The following ADARB2 variants were observed in gnomAD, a reference collection of about 807,000 sequenced individuals.
ADARB2 encodes inactive double-stranded RNA-specific editase B2.
ADARB2 carries 25 observed loss-of-function variants against 62.2 expected under a neutral mutation model. The observed-to-expected ratio is 0.40, with a 90% CI of 0.29 to 0.56. ADARB2 has a LOEUF of 0.56. ADARB2 is among the 20% of genes least tolerant of loss of function. The pLI is 0.43. For synonymous variants in ADARB2, 572 were observed against 500.8 expected, an observed-to-expected ratio of 1.14 and a Z score of -1.90; for missense variants, 1,071 against 1,077.4, an observed-to-expected ratio of 0.99 and a Z score of 0.08.
chr10:1,443,680 G>A (rs1002064367), intron 1 of ADARB2, among the ~76,000 whole-genome samples: 1 of 152,054 alleles, frequency 6.6e-6, no homozygotes, highest in African/African-American at 2.4e-5. Flanking sequence ...TGATTTCGCA[G>A]CTAATTCCTA....
chr10:1,471,303 G>A (rs60899799), intron 1 of ADARB2, among the ~76,000 whole-genome samples: 39,917 of 152,108 alleles, frequency 0.26, 5,735 homozygotes, highest in South Asian at 0.34. Flanking sequence ...CTCTGTCTCC[G>A]TGTGTCCACT....
At chr10:1,481,727 G>T (rs560327111) in intron 1 of ADARB2, among the ~76,000 whole-genome samples, 1 of 151,828 alleles carries the variant, frequency 6.6e-6, no homozygotes, top group Non-Finnish European at 1.5e-5. Flanking sequence ...TATGGGGGCG[G>T]GTGCCTGTAA....
At chr10:1,717,182 T>TTTTTC (rs1835030585) in intron 1 of ADARB2, among the ~76,000 whole-genome samples, 9 of 145,328 alleles carry the variant, frequency 6.2e-5, no homozygotes, top group African/African-American at 2.2e-4. Context: ...TTTTTGCTTT[T>TTTTTC]TGTTTTTAAA....
rs190323773 is a variant in ADARB2 at position 1,215,144 on chromosome 10, C to A, written c.1682+1807G>T. The stretch of plus-strand genomic sequence containing the variant: ...GATGTCACCCCCCTGACCTCCAGCC[C>A]CTTGGGTTTTGTGGACGGGCCAGGG... On this transcript the variant is annotated intron_variant, in intron 7 of 9. Transcript: ENST00000381312. 1.5e-3 allele frequency among the ~76,000 whole-genome samples: 231 copies of A among 152,294 alleles called. 1 individual carries two copies. The highest frequency in any genetic ancestry group is 4.6e-3 in the African/African-American group (190 of 41,560).
intron 7 of ADARB2, 45 bp from the exon 8 acceptor site, chr10:1,200,192 AGGGAGCCTG>A: frequency 6.5e-7 from 1 of 1,548,602 alleles, no homozygotes; most frequent in Non-Finnish European, 8.7e-7. Context: ...CCAGGAGCCC[AGGGAGCCTG>A]GTCCTCTCTG....
At chr10:1,575,992 CT>C (rs1833008338) in intron 1 of ADARB2, among the ~76,000 whole-genome samples, 17 of 130,388 alleles carry the variant, frequency 1.3e-4, no homozygotes, top group African/African-American at 1.8e-4. Flanking sequence ...CTCAGGGTCA[CT>C]AAAGGGAAGT....
At chr10:1,514,907 G>A (rs150725779) in intron 1 of ADARB2, among the ~76,000 whole-genome samples, 2,256 of 152,098 alleles carry the variant, frequency 0.015, 33 homozygotes, top group Non-Finnish European at 0.02. Context: ...GCAGTGGAGC[G>A]TAGGGTTTGA....
intron 1 of ADARB2, among the ~76,000 whole-genome samples, chr10:1,589,840 A>AT (rs1833229445): frequency 6.6e-6 from 1 of 152,098 alleles, no homozygotes; most frequent in South Asian, 2.1e-4. Context: ...TACCCGGCTA[A>AT]TTTTTTTGTT....
At chr10:1,570,882 G>T (rs1477515037) in intron 1 of ADARB2, among the ~76,000 whole-genome samples, 1 of 152,044 alleles carries the variant, frequency 6.6e-6, no homozygotes, top group Non-Finnish European at 1.5e-5. Flanking sequence ...GAAACCGGAG[G>T]ACTTGAGTGA....
rs921318237 is a variant in ADARB2 at position 1,524,423 on chromosome 10, T to C, written c.101-145263A>G. On this transcript the variant is annotated intron_variant, in intron 1 of 9. Coordinates refer to ENST00000381312, the MANE Select transcript of ADARB2 (RefSeq NM_018702.4). Reference sequence around the variant, plus strand: ...TCTTTGGTCCACCAGCAGGCATCCATGTTTGTGATCTTCTGGGCAATTTTC... The same window carrying C: ...TCTTTGGTCCACCAGCAGGCATCCACGTTTGTGATCTTCTGGGCAATTTTC... 3.9e-5 allele frequency among the ~76,000 whole-genome samples: 6 copies of C among 152,210 alleles called. 1 individual carries two copies. The highest frequency in any genetic ancestry group is 3.9e-4 in the Admixed American group (6 of 15,282).
chr10:1,414,416 T>C (rs1026915457), intron 1 of ADARB2, among the ~76,000 whole-genome samples: 1 of 152,196 alleles, frequency 6.6e-6, no homozygotes, highest in Non-Finnish European at 1.5e-5. Flanking sequence ...ATAAAATCCC[T>C]CGTGGCTTGG....
intron 1 of ADARB2, among the ~76,000 whole-genome samples, chr10:1,510,368 G>A (rs1324801427): frequency 6.6e-6 from 1 of 151,818 alleles, no homozygotes; most frequent in African/African-American, 2.4e-5. Context: ...TTTCTTTAGA[G>A]TTGGGGTCTC....
intron 1 of ADARB2, among the ~76,000 whole-genome samples, chr10:1,413,681 C>T (rs919274188): frequency 6.6e-6 from 1 of 152,202 alleles, no homozygotes; most frequent in African/African-American, 2.4e-5. Flanking sequence ...GGGGCCGGGC[C>T]TTCTGTTCTG....
At chr10:1,390,807 C>G (rs1832563296) in intron 1 of ADARB2, among the ~76,000 whole-genome samples, 1 of 152,188 alleles carries the variant, frequency 6.6e-6, no homozygotes, top group South Asian at 2.1e-4. Flanking sequence ...GGGGAGTAAC[C>G]AGTGAGGGGC....
intron 1 of ADARB2, among the ~76,000 whole-genome samples, chr10:1,656,439 A>T (rs1834172910): frequency 6.6e-6 from 1 of 152,154 alleles, no homozygotes; most frequent in Admixed American, 6.5e-5. Context: ...TAATTTTACA[A>T]CATCTGATAT....
chr10:1,368,952 T>G, intron 2 of ADARB2, among the ~76,000 whole-genome samples: 1 of 151,884 alleles, frequency 6.6e-6, no homozygotes, highest in Non-Finnish European at 1.5e-5. Flanking sequence ...CTGGGCTGGG[T>G]GAGGGTGGGA....
chr10:1,704,194 G>A lies in ADARB2; in HGVS notation c.100+32857C>T, dbSNP rs1834859259. 6.6e-6 allele frequency among the ~76,000 whole-genome samples: 1 copy of A among 152,140 alleles called. No individual in the cohort carries two copies. Among genetic ancestry groups the A allele is most frequent in the Non-Finnish European group, 1.5e-5 (1 of 68,026 alleles). On this transcript the variant is annotated intron_variant, in intron 1 of 9. Transcript: ENST00000381312. The surrounding 1 kb of genome is among the most constrained non-coding windows in gnomAD (Gnocchi z 5.6). Reference sequence around the variant, plus strand: ...GGAAGACAATTTTTCCATGGACTGGGGGCTGCAGGGATGGTTTCAGGATGA... The same window carrying A: ...GGAAGACAATTTTTCCATGGACTGGAGGCTGCAGGGATGGTTTCAGGATGA...
chr10:1,584,347 C>T (rs922539077), intron 1 of ADARB2, among the ~76,000 whole-genome samples: 2 of 122,372 alleles, frequency 1.6e-5, no homozygotes, highest in Non-Finnish European at 1.9e-5. Flanking sequence ...AAAGTCGCCC[C>T]GTATCATATG....
At chr10:1,366,755 A>G (rs1250514106) in intron 2 of ADARB2, among the ~76,000 whole-genome samples, 1 of 152,208 alleles carries the variant, frequency 6.6e-6, no homozygotes, top group Non-Finnish European at 1.5e-5. Context: ...TGGAAGAGGA[A>G]GATGAAGCTG....
Sources: gnomAD v4.1 joint callset for allele counts (sites outside exome capture counted in the v4.1 genomes callset) on GRCh38, gnomAD v4.1.1 for gene constraint, Gnocchi (gnomAD v3.1) non-coding constraint, MANE v1.5 for transcripts, NCBI Gene and HGNC (gene_info 2026-07-23, HGNC 2026-07-21) for gene names.